The following JADE1 variants were observed in gnomAD, a reference collection of about 807,000 sequenced individuals.
JADE1 encodes jade family PHD finger 1, also known as protein Jade-1.
JADE1 carries 14 observed loss-of-function variants against 81.8 expected under a neutral mutation model. The observed-to-expected ratio is 0.17, with a 90% CI of 0.11 to 0.27. The LOEUF is 0.27. JADE1 is among the 10% of genes least tolerant of loss of function. The pLI is 1.00. For synonymous variants in JADE1, 353 were observed against 391.9 expected (o/e 0.90, Z 1.17); for missense variants, 690 against 1,047.9 (o/e 0.66, Z 4.71).
At chr4:128,813,782 G>A (rs769571974) in intron 1 of JADE1, among the ~76,000 whole-genome samples, 1 of 151,888 alleles carries the variant, frequency 6.6e-6, no homozygotes, top group Non-Finnish European at 1.5e-5. Context: ...CTTCTTCAAA[G>A]TTTGGATACT....
intron 1 of JADE1, among the ~76,000 whole-genome samples, chr4:128,823,606 T>G (rs975269791): frequency 2.6e-5 from 4 of 152,222 alleles, no homozygotes; most frequent in African/African-American, 9.6e-5. Context: ...GCCAGCATTT[T>G]CCTTAAATAA....
In JADE1 at chr4:128,852,301, C is replaced by A. The variant is rs780289321; in HGVS notation, c.696+33C>A. On this transcript the variant is annotated intron_variant, in intron 6 of 10. Transcript: ENST00000226319. ...GGGCAGGGAGGCCAGAAAGAAGAAA[C>A]CTGGGGCATGAGCCTGTCTGCTGTG... 22 of 1,573,120 alleles carry A rather than the reference C, an allele frequency of 1.4e-5. No individual in the cohort carries two copies. The African/African-American group carries it at 2.7e-4, about 19-fold the overall frequency.
At chr4:128,836,018 G>C (rs1004359616) in intron 2 of JADE1, among the ~76,000 whole-genome samples, 4 of 152,218 alleles carry the variant, frequency 2.6e-5, no homozygotes, top group African/African-American at 9.6e-5. Flanking sequence ...TGCAGTTGCT[G>C]GGCTTCTGGG....
chr4:128,860,803 G>A (rs1731255812), intron 8 of JADE1, among the ~76,000 whole-genome samples: 1 of 152,132 alleles, frequency 6.6e-6, no homozygotes, highest in South Asian at 2.1e-4. Context: ...TGGCCTCTAC[G>A]TTGACCTCCC....
chr4:128,809,897 G>GGGGCGCGCGGGGT lies in JADE1; in HGVS notation c.-27+29_-27+41dup, dbSNP rs1305891319. The GGGGCGCGCGGGGT allele has an allele frequency of 6.8e-6, 1 of 148,128 alleles. No homozygotes were observed. Among genetic ancestry groups the GGGGCGCGCGGGGT allele is most frequent in the South Asian group, 1.8e-4 (1 of 5,606 alleles). 9.2% of individuals were successfully genotyped at this position (148,128 alleles called of 1,614,324 possible). On this transcript the variant is annotated intron_variant, in intron 1 of 10. Transcript: ENST00000226319. Reference sequence around the variant, plus strand: ...CAGCAGGTACGCGCGCGGGCCGCGGGGGGCGCGCGGGGTGGGCGCGCCGCG... The same window carrying GGGGCGCGCGGGGT: ...CAGCAGGTACGCGCGCGGGCCGCGGGGGGCGCGCGGGGTGGGCGCGCGGGGTGGGCGCGCCGCG...
At chr4:128,826,606 A>G (rs1728096647) in intron 1 of JADE1, among the ~76,000 whole-genome samples, 1 of 151,032 alleles carries the variant, frequency 6.6e-6, no homozygotes, top group African/African-American at 2.4e-5. Context: ...CAGGCTTCAC[A>G]TAGTGGCTCC....
rs189085857 is a variant in JADE1, at chr4:128,816,710, A to T, written c.-27+6833A>T. 1.5e-3 allele frequency among the ~76,000 whole-genome samples: 226 copies of T among 152,344 alleles called. 1 individual carries two copies. The highest frequency in any genetic ancestry group is 1.7e-3 in the Non-Finnish European group (115 of 68,028). Reference sequence around the variant, plus strand: ...TACGATGTGCACACAGTAAATGTTCAGTGACCAAATTTTGGTTACTCTAAA... The same window carrying T: ...TACGATGTGCACACAGTAAATGTTCTGTGACCAAATTTTGGTTACTCTAAA... On this transcript the variant is annotated intron_variant, in intron 1 of 10. Transcript: ENST00000226319.
At chr4:128,829,513 G>A (rs1728350434) in intron 1 of JADE1, among the ~76,000 whole-genome samples, 1 of 152,170 alleles carries the variant, frequency 6.6e-6, no homozygotes, top group Non-Finnish European at 1.5e-5. Flanking sequence ...TGGATGAATT[G>A]TGTAGATCCA....
At chr4:128,810,805 C>G (rs1039272004) in intron 1 of JADE1, among the ~76,000 whole-genome samples, 1 of 152,040 alleles carries the variant, frequency 6.6e-6, no homozygotes, top group Admixed American at 6.6e-5. Context: ...GTGATCAGAT[C>G]TTTTACTTAC....
At chr4:128,868,038 G>A in intron 10 of JADE1, 65 bp downstream of exon 10, 4 of 739,446 alleles carry the variant, frequency 5.4e-6, no homozygotes, top group East Asian at 2.6e-5. Context: ...ACACTGTTGA[G>A]GAAGAAATAA....
intron 7 of JADE1, among the ~76,000 whole-genome samples, chr4:128,856,921 T>C (rs4975274): frequency 0.77 from 116,875 of 152,102 alleles, 46,086 homozygotes; most frequent in South Asian, 0.91. Context: ...AAATGGTTTT[T>C]TTTGGCGAGA....
In JADE1 at chr4:128,873,931, T is replaced by TA. The variant is rs368886164; in HGVS notation, c.*1670dup. 241 of 152,808 alleles carry TA rather than the reference T, an allele frequency of 1.6e-3. 2 individuals carry two copies. Among genetic ancestry groups the TA allele is most frequent in the African/African-American group, 5.3e-3 (220 of 41,592 alleles). 9.5% of individuals were successfully genotyped at this position (152,808 alleles called of 1,614,324 possible). Reference sequence around the variant, plus strand: ...TCAGATGATCAAATAGTAGATCTGATACATCCCCATTGTATGTACGACATT... The same window carrying TA: ...TCAGATGATCAAATAGTAGATCTGATAACATCCCCATTGTATGTACGACATT... On this transcript the variant is annotated 3_prime_UTR_variant, in exon 11 of 11. Coordinates refer to ENST00000226319, the MANE Select transcript of JADE1 (RefSeq NM_199320.4).
At position 128,841,006 on chromosome 4, in the gene JADE1, G is replaced by A. The variant is rs185738213; in HGVS notation, c.53-1947G>A. On this transcript the variant is annotated intron_variant, in intron 2 of 10. Transcript: ENST00000226319. Reference sequence around the variant, plus strand: ...GCAATCCCATTTGGTCTTGGTCATCGCAAATCTGATGATAGGCTTATGTGC... The same window carrying A: ...GCAATCCCATTTGGTCTTGGTCATCACAAATCTGATGATAGGCTTATGTGC... Among the ~76,000 whole-genome samples the A allele has an allele frequency of 3.7e-3, 565 of 152,284 alleles. 2 individuals carry two copies. Among genetic ancestry groups the A allele is most frequent in the South Asian group, 6.4e-3 (31 of 4,828 alleles).
At chr4:128,859,469 A>C (rs918691062) in intron 8 of JADE1, among the ~76,000 whole-genome samples, 4 of 151,792 alleles carry the variant, frequency 2.6e-5, no homozygotes, top group Non-Finnish European at 5.9e-5. Context: ...GTGAGTATGC[A>C]CATGAGTATG....
intron 6 of JADE1, among the ~76,000 whole-genome samples, chr4:128,852,857 T>C (rs1175941780): frequency 1.3e-5 from 2 of 152,066 alleles, no homozygotes; most frequent in African/African-American, 4.8e-5. Context: ...ATTCCTTGGC[T>C]CGCGGCTGCC....
At chr4:128,835,431 G>A (rs947875538) in intron 2 of JADE1, among the ~76,000 whole-genome samples, 2 of 152,104 alleles carry the variant, frequency 1.3e-5, no homozygotes, top group Admixed American at 1.3e-4. Context: ...GAAGGCAGCT[G>A]GTTCACAGCC....
At chr4:128,868,670 T>C (rs1191955980) in intron 10 of JADE1, among the ~76,000 whole-genome samples, 5 of 152,186 alleles carry the variant, frequency 3.3e-5, no homozygotes, top group Non-Finnish European at 5.9e-5. Flanking sequence ...TGAGATTCCG[T>C]TGATCTTAAA....
chr4:128,863,693 T>G, intron 9 of JADE1: 1 of 985,330 alleles, frequency 1.0e-6, no homozygotes, highest in Non-Finnish European at 1.2e-6. Flanking sequence ...TAAAGAAGAC[T>G]TTGCCTCTCA....
intron 1 of JADE1, among the ~76,000 whole-genome samples, chr4:128,810,859 TG>T (rs1726288399): frequency 6.6e-6 from 1 of 151,792 alleles, no homozygotes; most frequent in African/African-American, 2.4e-5. Flanking sequence ...ATCGATGAAA[TG>T]GGGTAGGAGT....
Sources: allele counts gnomAD v4.1 joint callset (sites outside exome capture counted in the v4.1 genomes callset), GRCh38; gene constraint gnomAD v4.1.1; transcripts MANE v1.5; gene names NCBI Gene and HGNC (gene_info 2026-07-23, HGNC 2026-07-21).